The following FNDC3A variants were observed in gnomAD, a reference collection of about 807,000 sequenced individuals.
FNDC3A encodes the protein fibronectin type III domain containing 3A, also known as fibronectin type-III domain-containing protein 3A.
FNDC3A carries 32 observed loss-of-function variants against 148.9 expected under a neutral mutation model. The ratio of observed to expected loss-of-function variants is 0.21; its 90% CI spans 0.16 to 0.29. The LOEUF is 0.29. Ranked by LOEUF, FNDC3A falls within the 10% of genes least tolerant of loss-of-function variation. FNDC3A has a pLI of 1.00. For missense variants in FNDC3A, 1,191 were observed against 1,452.8 expected (o/e 0.82, Z 2.93); for synonymous variants, 472 against 473.6 (o/e 1.00, Z 0.04).
At position 49,006,174 on chromosome 13, in the gene FNDC3A, TTAA is replaced by T; in HGVS notation, c.-15_-13del. 7.1e-7 allele frequency: 1 copy of T among 1,410,998 alleles called. No individual in the cohort carries two copies. The highest frequency in any genetic ancestry group is 1.0e-6 in the Non-Finnish European group (1 of 1,000,262). The allele number at this position is 1,410,998 out of a possible 1,614,324, so 87.4% of individuals were successfully genotyped here. A position where few individuals can be genotyped will look rare whatever the true frequency, so the allele number is the denominator to read the frequency against. Reference sequence around the variant, plus strand: ...CAGAATTGGAGCGTTATTCAGTATATTAATGTCTTATTGATAATGGCAGAACAT... The same window carrying T: ...CAGAATTGGAGCGTTATTCAGTATATTGTCTTATTGATAATGGCAGAACAT... On this transcript the variant is annotated 5_prime_UTR_variant, in exon 2 of 26. It removes an upstream start codon present in the reference 5' UTR. Transcript: ENST00000492622.
At chr13:48,985,396 A>G (rs1440502362) in intron 1 of FNDC3A, among the ~76,000 whole-genome samples, 3 of 152,202 alleles carry the variant, frequency 2.0e-5, no homozygotes, top group Non-Finnish European at 4.4e-5. Flanking sequence ...TTATTTCTAT[A>G]TGTCTGTAAT....
chr13:49,139,368 G>A (rs529581238), intron 7 of FNDC3A, among the ~76,000 whole-genome samples: 56 of 152,162 alleles, frequency 3.7e-4, no homozygotes, highest in Non-Finnish European at 6.9e-4. Context: ...ATTTAAGATT[G>A]ATAAGAATAT....
intron 4 of FNDC3A, among the ~76,000 whole-genome samples, chr13:49,119,764 A>G (rs1881211997): frequency 6.6e-6 from 1 of 151,986 alleles, no homozygotes; most frequent in South Asian, 2.1e-4. Context: ...ACTTAATGAA[A>G]TAAAGTGTGA....
rs186242909 is a variant in FNDC3A at position 49,159,939 on chromosome 13, G to A, written c.978-7305G>A. On this transcript the variant is annotated intron_variant, in intron 8 of 25. Transcript: ENST00000492622. Reference sequence around the variant, plus strand: ...TTACGTTTATTGATTTGCATACGTTGAACAAGCCTTGCATCCCAGGGATGA... The same window carrying A: ...TTACGTTTATTGATTTGCATACGTTAAACAAGCCTTGCATCCCAGGGATGA... 2.1e-3 allele frequency among the ~76,000 whole-genome samples: 322 copies of A among 152,322 alleles called. 2 individuals are homozygous for A. The highest frequency in any genetic ancestry group is 7.1e-3 in the African/African-American group (296 of 41,570).
At chr13:49,167,449 G>A (rs894024518) in intron 9 of FNDC3A, 146 bp downstream of exon 9, 11 of 546,186 alleles carry the variant, frequency 2.0e-5, no homozygotes, top group African/African-American at 3.9e-5. Flanking sequence ...CAGTGCGCCC[G>A]TAATCCCAGC....
chr13:49,015,835 G>C (rs1369675784), intron 2 of FNDC3A, among the ~76,000 whole-genome samples: 1 of 151,578 alleles, frequency 6.6e-6, no homozygotes, highest in Non-Finnish European at 1.5e-5. Flanking sequence ...TTTGTCAAAG[G>C]CCTTTTCTGC....
At chr13:49,066,912 T>C (rs1877304743) in intron 2 of FNDC3A, among the ~76,000 whole-genome samples, 1 of 152,170 alleles carries the variant, frequency 6.6e-6, no homozygotes, top group South Asian at 2.1e-4. Context: ...CATATGAGAC[T>C]AGCATTGTTT....
chr13:49,209,639 T>C lies in FNDC3A; in HGVS notation c.*2244T>C, dbSNP rs1011338690. The C allele has an allele frequency of 1.3e-5, 2 of 152,596 alleles. No individual in the cohort carries two copies. The highest frequency in any genetic ancestry group is 4.8e-5 in the African/African-American group (2 of 41,454). 9.5% of individuals were successfully genotyped at this position (152,596 alleles called of 1,614,324 possible). ...ATATATTCATTATTTGCTACCTGTT[T>C]AAGAAAGTGAAATGTTATGGTCTCC... On this transcript the variant is annotated 3_prime_UTR_variant, in exon 26 of 26. Coordinates refer to ENST00000492622, the MANE Select transcript of FNDC3A (RefSeq NM_001079673.2).
At chr13:48,988,566 G>T (rs1951848320) in intron 1 of FNDC3A, among the ~76,000 whole-genome samples, 1 of 152,156 alleles carries the variant, frequency 6.6e-6, no homozygotes, top group South Asian at 2.1e-4. Flanking sequence ...GTATGGCCAG[G>T]TGCTTGGCTC....
At chr13:48,980,773 C>T (rs1951680776) in intron 1 of FNDC3A, among the ~76,000 whole-genome samples, 2 of 152,124 alleles carry the variant, frequency 1.3e-5, no homozygotes, top group Admixed American at 1.3e-4. Context: ...AATCAATTGG[C>T]TGGGGCAACT....
intron 4 of FNDC3A, among the ~76,000 whole-genome samples, chr13:49,115,513 ACT>A (rs1428041277): frequency 6.6e-6 from 1 of 152,106 alleles, no homozygotes; most frequent in African/African-American, 2.4e-5. Flanking sequence ...TTTTCTGCAC[ACT>A]CTGTGAAGCA....
At chr13:49,083,043 A>G (rs1878582685) in intron 3 of FNDC3A, among the ~76,000 whole-genome samples, 1 of 152,156 alleles carries the variant, frequency 6.6e-6, no homozygotes, top group Non-Finnish European at 1.5e-5. Context: ...CAACTAGGGT[A>G]AAAAGGGCAT....
At position 49,172,110 on chromosome 13, in the gene FNDC3A, A is replaced by G. The variant is rs1884783893; in HGVS notation, c.1230+14A>G. On this transcript the variant is annotated intron_variant, in intron 11 of 25. Transcript: ENST00000492622. Reference sequence around the variant, plus strand: ...GAATGGGATGAAGTAAGTAAATTGAATCTTTTTAAATGGTTAACATTATGT... The same window carrying G: ...GAATGGGATGAAGTAAGTAAATTGAGTCTTTTTAAATGGTTAACATTATGT... 6.6e-7 allele frequency: 1 copy of G among 1,515,832 alleles called. No homozygotes were observed. Among genetic ancestry groups the G allele is most frequent in the East Asian group, 2.3e-5 (1 of 44,198 alleles). The allele number at this position is 1,515,832 out of a possible 1,614,324, so 93.9% of individuals were successfully genotyped here. A position where few individuals can be genotyped will look rare whatever the true frequency, so the allele number is the denominator to read the frequency against.
intron 2 of FNDC3A, among the ~76,000 whole-genome samples, chr13:49,023,006 G>T (rs765307885): frequency 2.0e-4 from 31 of 151,970 alleles, no homozygotes; most frequent in Non-Finnish European, 4.3e-4. Flanking sequence ...AAGCTAGGTT[G>T]TCCTGGAAAA....
At chr13:48,993,018 C>G (rs1951950182) in intron 1 of FNDC3A, among the ~76,000 whole-genome samples, 1 of 152,120 alleles carries the variant, frequency 6.6e-6, no homozygotes, top group Non-Finnish European at 1.5e-5. Context: ...TCATACTCTC[C>G]TAGTATATTG....
chr13:49,185,079 G>A (rs1885498141), intron 14 of FNDC3A, among the ~76,000 whole-genome samples: 1 of 152,116 alleles, frequency 6.6e-6, no homozygotes, highest in East Asian at 1.9e-4. Flanking sequence ...ACTGTGGGGA[G>A]AGAAAAAGAG....
chr13:49,084,384 A>T (rs1300256286), intron 3 of FNDC3A, among the ~76,000 whole-genome samples: 1 of 152,172 alleles, frequency 6.6e-6, no homozygotes, highest in Non-Finnish European at 1.5e-5. Context: ...TGCCTTGGTA[A>T]CTGTTATATA....
intron 1 of FNDC3A, among the ~76,000 whole-genome samples, chr13:49,004,589 A>G (rs1030781064): frequency 6.6e-6 from 1 of 152,038 alleles, no homozygotes; most frequent in Non-Finnish European, 1.5e-5. Context: ...CTGTATTTCT[A>G]TTTGTAAAAT....
At chr13:49,099,087 AAGAC>A (rs1428949829) in intron 3 of FNDC3A, among the ~76,000 whole-genome samples, 1 of 152,168 alleles carries the variant, frequency 6.6e-6, no homozygotes, top group African/African-American at 2.4e-5. Flanking sequence ...CAATTTGTCT[AAGAC>A]AGTTCTGGTT....
Sources: gnomAD v4.1 joint callset for allele counts (sites outside exome capture counted in the v4.1 genomes callset) on GRCh38, gnomAD v4.1.1 for gene constraint, MANE v1.5 for transcripts, NCBI Gene and HGNC (gene_info 2026-07-23, HGNC 2026-07-21) for gene names.